TBC1D19: variants seen among roughly 807,000 people sequenced by gnomAD.
TBC1D19 encodes the protein TBC1 domain family member 19.
TBC1D19 carries 60 observed loss-of-function variants against 89.0 expected under a neutral mutation model. The observed-to-expected ratio is 0.67, with a 90% CI of 0.55 to 0.84. The LOEUF (loss-of-function observed/expected upper bound fraction) is 0.84. Ranked by LOEUF, TBC1D19 falls within the 40% of genes least tolerant of loss-of-function variation. The pLI, the probability that TBC1D19 is intolerant of heterozygous loss-of-function variation, is 0.00. For missense variants in TBC1D19, 500 were observed against 610.8 expected (o/e 0.82, Z 1.91); for synonymous variants, 189 against 199.7 (o/e 0.95, Z 0.45).
chr4:26,848,154 A>G, the TBC1D19 span, among the ~76,000 whole-genome samples: 1 of 152,218 alleles, frequency 6.6e-6, no homozygotes, highest in Non-Finnish European at 1.5e-5. Context: ...GACTGATTAA[A>G]GACTGCTCTC....
rs776503444 is a variant in TBC1D19 at position 26,673,779 on chromosome 4, T to TA, written c.708dup (p.Ala237SerfsTer5). 1 of 1,599,816 alleles carries TA rather than the reference T, an allele frequency of 6.3e-7. No homozygotes were observed. The highest frequency in any genetic ancestry group is 1.1e-5 in the South Asian group (1 of 90,614). On this transcript the variant is annotated frameshift_variant, in exon 11 of 21. Transcript: ENST00000264866. LOFTEE classifies it high-confidence loss of function. Reference sequence around the variant, plus strand: ...GATTTTCATATACTTTTGATAGTTCTAGCAGAACAAGATAGTGCTGCTGCT... The same window carrying TA: ...GATTTTCATATACTTTTGATAGTTCTAAGCAGAACAAGATAGTGCTGCTGCT...
intron 13 of TBC1D19, among the ~76,000 whole-genome samples, chr4:26,700,565 G>T (rs1481005055): frequency 1.3e-5 from 2 of 152,034 alleles, no homozygotes; most frequent in Non-Finnish European, 2.9e-5. Flanking sequence ...TGTATGATTT[G>T]CCATAAAAGG....
At chr4:26,840,298 T>C in the TBC1D19 span, among the ~76,000 whole-genome samples, 2 of 152,100 alleles carry the variant, frequency 1.3e-5, no homozygotes, top group Middle Eastern at 3.2e-3. Flanking sequence ...GCCAGGATGG[T>C]CTCAAACTCC....
At chr4:26,668,374 T>A (rs1004827592) in intron 9 of TBC1D19, among the ~76,000 whole-genome samples, 5 of 151,978 alleles carry the variant, frequency 3.3e-5, no homozygotes, top group Admixed American at 3.3e-4. Context: ...ACAGTGCAGA[T>A]TTTCCTTCTT....
At chr4:26,678,368 T>C (rs1365086727) in intron 11 of TBC1D19, among the ~76,000 whole-genome samples, 1 of 152,200 alleles carries the variant, frequency 6.6e-6, no homozygotes, top group Non-Finnish European at 1.5e-5. Context: ...AAGTTAAGGA[T>C]GTGCATCCTG....
chr4:26,636,395 G>T (rs1743125382), intron 4 of TBC1D19, among the ~76,000 whole-genome samples: 1 of 150,370 alleles, frequency 6.7e-6, no homozygotes, highest in South Asian at 2.1e-4. Flanking sequence ...AATGAAGAAG[G>T]TAATCAATAC....
chr4:26,830,592 C>A, the TBC1D19 span, among the ~76,000 whole-genome samples: 1 of 152,150 alleles, frequency 6.6e-6, no homozygotes, highest in East Asian at 1.9e-4. Flanking sequence ...TCCTAACCAC[C>A]AGATTGAAGC....
intron 1 of TBC1D19, among the ~76,000 whole-genome samples, chr4:26,591,361 G>A (rs1229709572): frequency 2.0e-5 from 3 of 152,016 alleles, no homozygotes; most frequent in African/African-American, 7.2e-5. Flanking sequence ...ATAGGGAGCT[G>A]AGATCGCACC....
chr4:26,592,816 C>G (rs1366403742), intron 1 of TBC1D19, among the ~76,000 whole-genome samples: 1 of 152,064 alleles, frequency 6.6e-6, no homozygotes, highest in Non-Finnish European at 1.5e-5. Flanking sequence ...GAACTACAAA[C>G]CACTGCTCAA....
the TBC1D19 span, among the ~76,000 whole-genome samples, chr4:26,823,219 C>T: frequency 4.3e-4 from 65 of 152,278 alleles, 1 homozygote; most frequent in Middle Eastern, 3.4e-3. Flanking sequence ...CATCAGATCT[C>T]GTGAAACTTA....
At chr4:26,655,864 G>A (rs542697221) in intron 7 of TBC1D19, among the ~76,000 whole-genome samples, 4 of 152,236 alleles carry the variant, frequency 2.6e-5, no homozygotes, top group Admixed American at 1.3e-4. Context: ...TGCTCAGTGC[G>A]CTGCACCCAC....
the TBC1D19 span, among the ~76,000 whole-genome samples, chr4:26,770,611 C>T: frequency 2.0e-5 from 3 of 152,114 alleles, no homozygotes; most frequent in African/African-American, 7.2e-5. Flanking sequence ...TATTAACCAA[C>T]TATGTCTAAC....
chr4:26,593,242 G>T (rs1739951118), intron 1 of TBC1D19, among the ~76,000 whole-genome samples: 1 of 152,106 alleles, frequency 6.6e-6, no homozygotes, highest in Non-Finnish European at 1.5e-5. Context: ...ATGGGGAAAG[G>T]ATTCCCTATT....
At chr4:26,610,256 C>G (rs1236300708) in intron 1 of TBC1D19, among the ~76,000 whole-genome samples, 1 of 151,952 alleles carries the variant, frequency 6.6e-6, no homozygotes, top group African/African-American at 2.4e-5. Flanking sequence ...AGATACAAAT[C>G]TATAATGTAT....
At chr4:26,613,094 T>C in intron 1 of TBC1D19, 75 bp from the exon 2 acceptor site, 1 of 1,070,034 alleles carries the variant, frequency 9.3e-7, no homozygotes, top group Non-Finnish European at 1.3e-6. Context: ...TTGTTCTAAA[T>C]ATCAACCCAA....
At chr4:26,839,509 G>A in the TBC1D19 span, among the ~76,000 whole-genome samples, 2 of 152,024 alleles carry the variant, frequency 1.3e-5, no homozygotes, top group African/African-American at 2.4e-5. Flanking sequence ...TAAAGAAGAT[G>A]TGTGGGAAGG....
chr4:26,593,441 T>C (rs1389646242), intron 1 of TBC1D19, among the ~76,000 whole-genome samples: 3 of 152,234 alleles, frequency 2.0e-5, no homozygotes, highest in African/African-American at 7.2e-5. Context: ...AAGGACTTCA[T>C]GTCTAAAACA....
At chr4:26,668,649 A>G (rs1475579156) in intron 9 of TBC1D19, among the ~76,000 whole-genome samples, 1 of 151,952 alleles carries the variant, frequency 6.6e-6, no homozygotes, top group Non-Finnish European at 1.5e-5. Flanking sequence ...TTTCACTTCA[A>G]TTAAGTTGGA....
At chr4:26,678,210 G>C (rs992813272) in intron 11 of TBC1D19, among the ~76,000 whole-genome samples, 2 of 152,212 alleles carry the variant, frequency 1.3e-5, no homozygotes, top group Non-Finnish European at 2.9e-5. Flanking sequence ...TGAGGAACTT[G>C]TTGGGAACTG....
Sources: allele counts gnomAD v4.1 joint callset (sites outside exome capture counted in the v4.1 genomes callset), GRCh38; gene constraint gnomAD v4.1.1; transcripts MANE v1.5; gene names NCBI Gene and HGNC (gene_info 2026-07-23, HGNC 2026-07-21).